Variants in CSMD1 observed in about 807,000 individuals in gnomAD.
CSMD1 encodes the protein CUB and sushi domain-containing protein 1.
A neutral mutation model predicts 417.5 loss-of-function variants in CSMD1; 213 were observed. That is an observed-to-expected ratio of 0.51 (90% CI 0.46 to 0.57). The LOEUF (loss-of-function observed/expected upper bound fraction) is 0.57, where lower values mean the gene tolerates loss of function less well. Among genes scored for constraint, CSMD1 ranks in the 20% least tolerant of loss-of-function variants. The probability of loss-of-function intolerance (pLI) is 0.00; values close to 1 mark genes in which losing one functional copy is unlikely to be tolerated. For missense variants in CSMD1, 6,923 were observed against 4,529.7 expected (o/e 1.53, Z -15.17); for synonymous variants, 2,862 against 1,736.8 (o/e 1.65, Z -16.11).
rs190942248 is a variant in CSMD1 at position 4,627,946 on chromosome 8, G to C, written c.302+9396C>G. On this transcript the variant is annotated intron_variant, in intron 2 of 69. Transcript: ENST00000635120. ...TGCAGGACGATGATCAGCATCTCTA[G>C]ATTATACCTGTCAGATTCTAAGAGC... Among the ~76,000 whole-genome samples, 497 of 151,942 alleles carry C rather than the reference G, an allele frequency of 3.3e-3. 5 individuals carry two copies. The highest frequency in any genetic ancestry group is 0.011 in the African/African-American group (449 of 41,430).
At chr8:4,398,282 G>A (rs2128927540) in intron 3 of CSMD1, among the ~76,000 whole-genome samples, 1 of 152,158 alleles carries the variant, frequency 6.6e-6, no homozygotes, top group South Asian at 2.1e-4. Flanking sequence ...TCTACTTCGG[G>A]GTGGACAATC....
At chr8:4,230,646 A>C (rs1348026448) in intron 3 of CSMD1, among the ~76,000 whole-genome samples, 3 of 152,184 alleles carry the variant, frequency 2.0e-5, no homozygotes, top group African/African-American at 7.2e-5. Context: ...ACTACCAAGT[A>C]GCTCATAATT....
At chr8:3,078,842 C>T (rs1813881132) in intron 49 of CSMD1, among the ~76,000 whole-genome samples, 1 of 152,152 alleles carries the variant, frequency 6.6e-6, no homozygotes, top group African/African-American at 2.4e-5. Flanking sequence ...AATAGGTTTG[C>T]ACCAAAAACA....
chr8:4,879,902 C>T (rs972598598), intron 1 of CSMD1, among the ~76,000 whole-genome samples: 1 of 152,064 alleles, frequency 6.6e-6, no homozygotes, highest in Admixed American at 6.6e-5. Flanking sequence ...TCTTACAAGT[C>T]TGGATTTTAT....
intron 10 of CSMD1, among the ~76,000 whole-genome samples, chr8:3,518,546 A>T (rs751952545): frequency 6.6e-6 from 1 of 152,232 alleles, no homozygotes; most frequent in Non-Finnish European, 1.5e-5. Context: ...CATAAAGTAA[A>T]ATGCAGTATC....
intron 50 of CSMD1, among the ~76,000 whole-genome samples, chr8:3,041,612 T>A (rs1281677014): frequency 6.6e-6 from 1 of 152,258 alleles, no homozygotes; most frequent in Non-Finnish European, 1.5e-5. Context: ...CACATCTATC[T>A]GTAGAAATGT....
chr8:4,291,337 T>C (rs1295684701), intron 3 of CSMD1, among the ~76,000 whole-genome samples: 1 of 152,126 alleles, frequency 6.6e-6, no homozygotes, highest in Non-Finnish European at 1.5e-5. Flanking sequence ...TACTTTCCTT[T>C]AAATTGATAA....
In CSMD1 at chr8:3,951,751, G is replaced by A. The variant is rs371959724; in HGVS notation, c.818+46152C>T. 2.0e-4 allele frequency among the ~76,000 whole-genome samples: 31 copies of A among 152,260 alleles called. No individual in the cohort carries two copies. The South Asian group carries it at 3.7e-3, about 18-fold the overall frequency. The stretch of plus-strand genomic sequence containing the variant: ...ACATGGGGGGCATTAAAACGTAATA[G>A]ATGAGTAGAAAATGAGGGTGACCTG... On this transcript the variant is annotated intron_variant, in intron 5 of 69. Coordinates refer to ENST00000635120, the MANE Select transcript of CSMD1 (RefSeq NM_033225.6).
At chr8:3,054,683 G>C (rs4559259) in intron 49 of CSMD1, among the ~76,000 whole-genome samples, 28,078 of 152,170 alleles carry the variant, frequency 0.18, 3,192 homozygotes, top group Non-Finnish European at 0.26. Flanking sequence ...GTGTACATGT[G>C]TCCATGTGCG....
intron 1 of CSMD1, among the ~76,000 whole-genome samples, chr8:4,711,244 G>A (rs1808276308): frequency 6.6e-6 from 1 of 151,858 alleles, no homozygotes; most frequent in African/African-American, 2.4e-5. Flanking sequence ...TATGAAATGA[G>A]GTGGTGAGAA....
At chr8:3,608,483 G>C (rs1042667606) in intron 8 of CSMD1, among the ~76,000 whole-genome samples, 1 of 152,080 alleles carries the variant, frequency 6.6e-6, no homozygotes, top group African/African-American at 2.4e-5. Context: ...AAAAAATATG[G>C]CTGGGCGCTG....
intron 3 of CSMD1, among the ~76,000 whole-genome samples, chr8:4,189,844 CAT>C (rs1010748044): frequency 9.5e-4 from 144 of 152,158 alleles, no homozygotes; most frequent in African/African-American, 3.4e-3. Context: ...AGCTTTTTAA[CAT>C]ATTAATATTT....
chr8:3,575,410 T>C (rs1461222867), intron 9 of CSMD1, among the ~76,000 whole-genome samples: 1 of 152,106 alleles, frequency 6.6e-6, no homozygotes, highest in Non-Finnish European at 1.5e-5. Flanking sequence ...TTCACGTAGG[T>C]GTCGTTGTTC....
chr8:2,968,286 T>G (rs1804145726), intron 57 of CSMD1, among the ~76,000 whole-genome samples: 1 of 152,192 alleles, frequency 6.6e-6, no homozygotes, highest in African/African-American at 2.4e-5. Context: ...AGGGAGTGAG[T>G]TTGGTCCAAT....
At position 4,886,257 on chromosome 8, in the gene CSMD1, T is replaced by A. The variant is rs111418153; in HGVS notation, c.85+108075A>T. ...CCACTGCCTCGGCCTCTCAAAATGCTGGAATTTCTGATCCGTTTTGAGCTT... is the reference window on the plus strand; with the variant it reads ...CCACTGCCTCGGCCTCTCAAAATGCAGGAATTTCTGATCCGTTTTGAGCTT... On this transcript the variant is annotated intron_variant, in intron 1 of 69. Transcript: ENST00000635120. 6.4e-3 allele frequency among the ~76,000 whole-genome samples: 978 copies of A among 152,238 alleles called. 15 individuals are homozygous for A. Among genetic ancestry groups the A allele is most frequent in the African/African-American group, 0.023 (944 of 41,492 alleles).
chr8:3,704,232 G>A (rs749013623), intron 7 of CSMD1, among the ~76,000 whole-genome samples: 1 of 152,150 alleles, frequency 6.6e-6, no homozygotes, highest in Non-Finnish European at 1.5e-5. Flanking sequence ...AAATAGAGCA[G>A]CCTGGGAAAA....
intron 5 of CSMD1, among the ~76,000 whole-genome samples, chr8:3,773,604 G>A (rs1267556029): frequency 3.3e-5 from 5 of 152,106 alleles, no homozygotes; most frequent in African/African-American, 1.2e-4. Context: ...GGTATTTAGT[G>A]AAGACAAAGT....
At chr8:4,654,563 G>C (rs781455159) in intron 1 of CSMD1, among the ~76,000 whole-genome samples, 1 of 152,096 alleles carries the variant, frequency 6.6e-6, no homozygotes, top group Non-Finnish European at 1.5e-5. Context: ...GGGAGGAATG[G>C]AGGGATGTTG....
intron 10 of CSMD1, among the ~76,000 whole-genome samples, chr8:3,503,386 A>G (rs1161926433): frequency 6.6e-6 from 1 of 152,250 alleles, no homozygotes; most frequent in South Asian, 2.1e-4. Context: ...ATGCTACAAA[A>G]AGTCAAAGCT....
Sources: allele counts gnomAD v4.1 joint callset (sites outside exome capture counted in the v4.1 genomes callset), GRCh38; gene constraint gnomAD v4.1.1; transcripts MANE v1.5; gene names NCBI Gene and HGNC (gene_info 2026-07-23, HGNC 2026-07-21).